Variants in NCKAP5 observed in about 807,000 individuals in gnomAD.
The protein encoded by NCKAP5 is nck-associated protein 5.
Under a neutral mutation model 167.0 loss-of-function variants are expected in NCKAP5, and 92 were observed. The ratio of observed to expected loss-of-function variants is 0.55; its 90% CI spans 0.47 to 0.66. NCKAP5 has a LOEUF of 0.66. Among genes scored for constraint, NCKAP5 ranks in the 30% least tolerant of loss-of-function variants. NCKAP5 has a pLI of 0.00. For synonymous variants in NCKAP5, 891 were observed against 877.4 expected (o/e 1.02, Z -0.27); for missense variants, 2,378 against 2,315.0 (o/e 1.03, Z -0.56).
chr2:133,656,277 A>C, the NCKAP5 span, among the ~76,000 whole-genome samples: 542 of 140,778 alleles, frequency 3.9e-3, 6 homozygotes, highest in Admixed American at 0.019. Flanking sequence ...ACAAACAAAA[A>C]AAAAAAAAAA....
At chr2:132,725,419 C>T (rs535864383) in intron 19 of NCKAP5, among the ~76,000 whole-genome samples, 4 of 152,206 alleles carry the variant, frequency 2.6e-5, no homozygotes, top group Non-Finnish European at 5.9e-5. Context: ...TCCTTACAGA[C>T]TGCACTGCAA....
rs574028654 is a variant in NCKAP5 at position 133,480,057 on chromosome 2, G to A, written c.69+37401C>T. ...AGCAATTCTCCTGCCTCAGCCTCCT[G>A]AGTAGCTGGGATTACAGGCATGTAC... On this transcript the variant is annotated intron_variant, in intron 3 of 19. Coordinates refer to ENST00000409261, the MANE Select transcript of NCKAP5 (RefSeq NM_207363.3). 5.3e-5 allele frequency among the ~76,000 whole-genome samples: 8 copies of A among 151,288 alleles called. 2 individuals are homozygous for A. The highest frequency in any genetic ancestry group is 1.9e-4 in the African/African-American group (8 of 41,188).
At chr2:133,385,012 T>C (rs1007434298) in intron 3 of NCKAP5, among the ~76,000 whole-genome samples, 1 of 152,190 alleles carries the variant, frequency 6.6e-6, no homozygotes, top group Non-Finnish European at 1.5e-5. Flanking sequence ...TTTGACTTCC[T>C]GTTTTCCTAA....
At chr2:133,418,613 C>T (rs1159599891) in intron 3 of NCKAP5, among the ~76,000 whole-genome samples, 2 of 152,138 alleles carry the variant, frequency 1.3e-5, no homozygotes, top group African/African-American at 2.4e-5. Flanking sequence ...TTATTCTTGC[C>T]TCTCCCAGGT....
intron 10 of NCKAP5, among the ~76,000 whole-genome samples, chr2:132,866,814 A>G (rs940453722): frequency 1.3e-5 from 2 of 152,098 alleles, no homozygotes; most frequent in East Asian, 1.9e-4. Context: ...TGCTACCTAC[A>G]TTCCTTTTTG....
At chr2:133,238,215 C>CT (rs1470721107) in intron 4 of NCKAP5, among the ~76,000 whole-genome samples, 3 of 152,158 alleles carry the variant, frequency 2.0e-5, no homozygotes, top group African/African-American at 4.8e-5. Flanking sequence ...ACTTATAAAA[C>CT]AATATATCTG....
intron 19 of NCKAP5, among the ~76,000 whole-genome samples, chr2:132,713,514 T>A (rs1689060255): frequency 6.6e-6 from 1 of 152,178 alleles, no homozygotes; most frequent in Admixed American, 6.5e-5. Flanking sequence ...ATCTCAAAGA[T>A]TTCATGGGAC....
At chr2:133,344,004 A>T (rs1458056085) in intron 3 of NCKAP5, among the ~76,000 whole-genome samples, 1 of 152,202 alleles carries the variant, frequency 6.6e-6, no homozygotes, top group Non-Finnish European at 1.5e-5. Context: ...GAAGAAGCAA[A>T]GTTGGGTAAG....
intron 2 of NCKAP5, among the ~76,000 whole-genome samples, chr2:133,547,310 C>T (rs1015537708): frequency 6.6e-6 from 1 of 152,316 alleles, no homozygotes; most frequent in Non-Finnish European, 1.5e-5. Context: ...GAGGGGCACC[C>T]GCCATTGCCC....
intron 3 of NCKAP5, among the ~76,000 whole-genome samples, chr2:133,332,007 T>G (rs1030832073): frequency 1.3e-4 from 20 of 152,162 alleles, no homozygotes; most frequent in Non-Finnish European, 2.1e-4. Flanking sequence ...TTAGCTCACA[T>G]GTGTGTCACA....
the NCKAP5 span, among the ~76,000 whole-genome samples, chr2:133,651,465 A>C: frequency 5.9e-5 from 9 of 152,354 alleles, no homozygotes; most frequent in Middle Eastern, 3.4e-3. Flanking sequence ...ATATCACCTC[A>C]TACTTTTCAG....
intron 19 of NCKAP5, among the ~76,000 whole-genome samples, chr2:132,689,721 T>G (rs1233662772): frequency 6.6e-6 from 1 of 152,176 alleles, no homozygotes; most frequent in African/African-American, 2.4e-5. Flanking sequence ...TCAGGCAACC[T>G]CTGTCTATTG....
chr2:133,032,828 A>G (rs2078924534), intron 6 of NCKAP5, among the ~76,000 whole-genome samples: 1 of 152,304 alleles, frequency 6.6e-6, no homozygotes, highest in African/African-American at 2.4e-5. Flanking sequence ...CAATCATGGT[A>G]GAAAGGCAAA....
intron 6 of NCKAP5, among the ~76,000 whole-genome samples, chr2:133,067,716 G>A (rs1386354551): frequency 6.6e-6 from 1 of 152,228 alleles, no homozygotes; most frequent in African/African-American, 2.4e-5. Flanking sequence ...AAGGACCTGA[G>A]AAGGCAAGCT....
intron 4 of NCKAP5, among the ~76,000 whole-genome samples, chr2:133,248,739 A>G (rs1285977393): frequency 6.6e-6 from 1 of 152,220 alleles, no homozygotes; most frequent in African/African-American, 2.4e-5. Flanking sequence ...TTACAGGGAC[A>G]TCCTTGACTC....
chr2:132,827,525 T>C (rs1473108456), intron 11 of NCKAP5, among the ~76,000 whole-genome samples: 1 of 152,222 alleles, frequency 6.6e-6, no homozygotes, highest in African/African-American at 2.4e-5. Context: ...ACATTTATCT[T>C]TCCTTATGTG....
At chr2:133,206,492 T>C (rs536999940) in intron 5 of NCKAP5, among the ~76,000 whole-genome samples, 37 of 152,224 alleles carry the variant, frequency 2.4e-4, no homozygotes, top group Non-Finnish European at 4.7e-4. Flanking sequence ...CTTATGCCTG[T>C]CTTTACTTTA....
intron 16 of NCKAP5, among the ~76,000 whole-genome samples, chr2:132,745,935 A>G (rs60233260): frequency 0.062 from 9,428 of 152,136 alleles, 974 homozygotes; most frequent in African/African-American, 0.22. Flanking sequence ...GAATACTGAC[A>G]TAAATGGAGA....
At chr2:133,397,372 G>A (rs1486861362) in intron 3 of NCKAP5, among the ~76,000 whole-genome samples, 3 of 152,172 alleles carry the variant, frequency 2.0e-5, no homozygotes, top group Non-Finnish European at 4.4e-5. Context: ...ATATAATTAA[G>A]TATTTGAAAT....
Sources: gnomAD v4.1 joint callset for allele counts (sites outside exome capture counted in the v4.1 genomes callset) on GRCh38, gnomAD v4.1.1 for gene constraint, MANE v1.5 for transcripts, NCBI Gene and HGNC (gene_info 2026-07-23, HGNC 2026-07-21) for gene names.